Variants in RPS6KC1 observed in about 807,000 individuals in gnomAD.
RPS6KC1 encodes ribosomal protein S6 kinase C1.
Under a neutral mutation model 103.8 loss-of-function variants are expected in RPS6KC1, and 54 were observed. The ratio of observed to expected loss-of-function variants is 0.52; its 90% CI spans 0.42 to 0.65. The LOEUF (loss-of-function observed/expected upper bound fraction) is 0.65. Among genes scored for constraint, RPS6KC1 ranks in the 30% least tolerant of loss-of-function variants. The pLI, the probability that RPS6KC1 is intolerant of heterozygous loss-of-function variation, is 0.00. For synonymous variants in RPS6KC1, 439 were observed against 438.7 expected (o/e 1.00, Z -0.01); for missense variants, 1,151 against 1,253.8 (o/e 0.92, Z 1.24).
the RPS6KC1 span, among the ~76,000 whole-genome samples, chr1:213,743,872 C>T: frequency 6.6e-6 from 1 of 152,182 alleles, no homozygotes; most frequent in African/African-American, 2.4e-5. Context: ...GAAAGAGGGT[C>T]TTTGGTGTCC....
At chr1:213,353,911 AG>A in the RPS6KC1 span, among the ~76,000 whole-genome samples, 1 of 152,180 alleles carries the variant, frequency 6.6e-6, no homozygotes, top group Non-Finnish European at 1.5e-5. Context: ...GGAAAAGCCG[AG>A]GGAACAGCCT....
At chr1:213,424,584 G>A in the RPS6KC1 span, among the ~76,000 whole-genome samples, 25 of 152,392 alleles carry the variant, frequency 1.6e-4, no homozygotes, top group East Asian at 4.0e-3. Flanking sequence ...GAGTGGTCAA[G>A]TTGGGTTTGA....
the RPS6KC1 span, among the ~76,000 whole-genome samples, chr1:213,737,861 C>T: frequency 6.6e-6 from 1 of 152,226 alleles, no homozygotes; most frequent in Admixed American, 6.5e-5. Context: ...TCATTTGACA[C>T]CATACAGTCT....
the RPS6KC1 span, among the ~76,000 whole-genome samples, chr1:213,341,657 T>C: frequency 2.6e-5 from 4 of 152,242 alleles, no homozygotes; most frequent in African/African-American, 9.6e-5. Flanking sequence ...AGGACCTTAC[T>C]TGTATTAACT....
chr1:213,665,036 C>G, the RPS6KC1 span, among the ~76,000 whole-genome samples: 1 of 151,996 alleles, frequency 6.6e-6, no homozygotes, highest in Non-Finnish European at 1.5e-5. Context: ...AAATCATGGG[C>G]TTTATAGAAC....
At chr1:213,792,045 G>T in the RPS6KC1 span, among the ~76,000 whole-genome samples, 1 of 152,192 alleles carries the variant, frequency 6.6e-6, no homozygotes. Context: ...TCACAGGCAA[G>T]ATCACCTGTT....
rs182942879 is a variant in RPS6KC1 at position 213,274,672 on chromosome 1, C to T, written c.*2038C>T. The T allele has an allele frequency of 6.6e-6, 1 of 151,252 alleles. No homozygotes were observed. Among genetic ancestry groups the T allele is most frequent in the Admixed American group, 6.6e-5 (1 of 15,196 alleles). The allele number at this position is 151,252 out of a possible 1,614,324, so 9.4% of individuals were successfully genotyped here. On this transcript the variant is annotated 3_prime_UTR_variant, in exon 15 of 15. Coordinates refer to ENST00000366960, the MANE Select transcript of RPS6KC1 (RefSeq NM_012424.6). ...TGTGTACATATTTTAAGCTGTACTT[C>T]TGTGAATGGTACTGATTTTTGTGGT...
the RPS6KC1 span, among the ~76,000 whole-genome samples, chr1:213,474,166 T>TG: frequency 6.6e-6 from 1 of 152,254 alleles, no homozygotes; most frequent in Admixed American, 6.5e-5. Flanking sequence ...CAACTGTTCC[T>TG]GGGTTCGGGG....
the RPS6KC1 span, among the ~76,000 whole-genome samples, chr1:213,465,922 G>A: frequency 4.6e-5 from 7 of 152,014 alleles, no homozygotes; most frequent in Admixed American, 2.6e-4. Context: ...TGCCCATACC[G>A]AGGTCGTGCC....
chr1:213,118,614 G>A (rs2083984296), intron 5 of RPS6KC1, among the ~76,000 whole-genome samples: 1 of 151,540 alleles, frequency 6.6e-6, no homozygotes, highest in Non-Finnish European at 1.5e-5. Flanking sequence ...AGAGCAACGT[G>A]TTCTTATTTA....
the RPS6KC1 span, among the ~76,000 whole-genome samples, chr1:213,738,767 G>A: frequency 6.6e-6 from 1 of 151,534 alleles, no homozygotes; most frequent in South Asian, 2.1e-4. Context: ...GGCTGAGGTG[G>A]GTGGATCACT....
chr1:213,844,637 G>A, the RPS6KC1 span, among the ~76,000 whole-genome samples: 1 of 152,090 alleles, frequency 6.6e-6, no homozygotes, highest in Non-Finnish European at 1.5e-5. Flanking sequence ...ATGTTAAAAA[G>A]CAAGAAATAA....
At chr1:213,720,285 A>T in the RPS6KC1 span, among the ~76,000 whole-genome samples, 2 of 152,232 alleles carry the variant, frequency 1.3e-5, no homozygotes, top group Non-Finnish European at 2.9e-5. Context: ...AGGACTAGTA[A>T]CAACATCTAT....
chr1:213,058,889 A>ATAGTATGT (rs2077574228), intron 1 of RPS6KC1, among the ~76,000 whole-genome samples: 1 of 152,228 alleles, frequency 6.6e-6, no homozygotes, highest in Non-Finnish European at 1.5e-5. Flanking sequence ...ATCTATGAAC[A>ATAGTATGT]CAGTATGTCT....
the RPS6KC1 span, among the ~76,000 whole-genome samples, chr1:213,305,877 T>C: frequency 6.6e-6 from 1 of 152,210 alleles, no homozygotes; most frequent in African/African-American, 2.4e-5. Context: ...CTTGACCCTG[T>C]AACTTCTGAG....
In RPS6KC1 at chr1:213,241,797, G is replaced by A; in HGVS notation, c.2321G>A (p.Arg774Lys). The A allele has an allele frequency of 6.2e-7, 1 of 1,613,948 alleles. No homozygotes were observed. The highest frequency in any genetic ancestry group is 1.1e-5 in the South Asian group (1 of 91,084). Residue 774 changes from arginine (R) to lysine (K), a missense_variant, in exon 11 of 15, where the codon AGG becomes AAG. This residue lies in a region of RPS6KC1 where 959 missense variants were observed against 1,006.3 expected (regional missense o/e 0.95). Transcript: ENST00000366960. ...AAACACTATGCACAGGAGGATCCCA[G>A]GATGTTATTTGTAGCAGCTGTTGAT... ...TEKHYAQEDP[R>K]MLFVAAVDHS...
chr1:213,200,758 G>A (rs919694230), intron 8 of RPS6KC1, among the ~76,000 whole-genome samples: 15 of 152,078 alleles, frequency 9.9e-5, no homozygotes, highest in Non-Finnish European at 1.9e-4. Context: ...CATCTATAAG[G>A]AACTTAAATT....
At chr1:213,791,003 A>ATTGTAAGGT in the RPS6KC1 span, among the ~76,000 whole-genome samples, 1 of 152,226 alleles carries the variant, frequency 6.6e-6, no homozygotes, top group African/African-American at 2.4e-5. Flanking sequence ...AGCTCTGCAA[A>ATTGTAAGGT]GATTAGGATC....
At chr1:213,394,260 G>C in the RPS6KC1 span, among the ~76,000 whole-genome samples, 1 of 152,162 alleles carries the variant, frequency 6.6e-6, no homozygotes, top group African/African-American at 2.4e-5. Context: ...GGGGTTTTCT[G>C]GATCCAGCTC....
Sources: gnomAD v4.1 joint callset for allele counts (sites outside exome capture counted in the v4.1 genomes callset) on GRCh38, gnomAD v4.1.1 for gene constraint, gnomAD v4.1.1 regional missense constraint, MANE v1.5 for transcripts, NCBI Gene and HGNC (gene_info 2026-07-23, HGNC 2026-07-21) for gene names.